Variants in TLN2 observed in about 807,000 individuals in gnomAD.
TLN2 encodes the protein talin-2.
Under a neutral mutation model 294.7 loss-of-function variants are expected in TLN2, and 118 were observed. The ratio of observed to expected loss-of-function variants is 0.40; its 90% CI spans 0.34 to 0.47. The LOEUF is 0.47. Ranked by LOEUF, TLN2 falls within the 20% of genes least tolerant of loss-of-function variation. TLN2 has a pLI of 0.84. For missense variants in TLN2, 3,083 were observed against 3,282.2 expected (o/e 0.94, Z 1.48); for synonymous variants, 1,431 against 1,304.5 (o/e 1.10, Z -2.09).
chr15:62,820,480 TTC>T lies in TLN2; in HGVS notation c.6878-4_6878-3del, dbSNP rs1476063965. 2.5e-6 allele frequency: 4 copies of T among 1,613,462 alleles called. No individual in the cohort carries two copies. The highest frequency in any genetic ancestry group is 3.4e-6 in the Non-Finnish European group (4 of 1,179,718). On this transcript the variant is annotated splice_region_variant and splice_polypyrimidine_tract_variant and intron_variant, in intron 53 of 58. Transcript: ENST00000636159. ...GAAGAATCACCTTCTTTTGGACTGA[TTC>T]TAGGAACAGAGTGGGTGGATCCAGA...
chr15:62,669,258 T>C (rs1596595139), intron 9 of TLN2, among the ~76,000 whole-genome samples: 1 of 152,232 alleles, frequency 6.6e-6, no homozygotes, highest in Non-Finnish European at 1.5e-5. Flanking sequence ...TCATGGGCTA[T>C]GTCAGTGTAT....
chr15:62,730,490 AT>A lies in TLN2; in HGVS notation c.3358+3304del, dbSNP rs550493077. ...TCTCCAGGAGCTTTCATTAGGGATC[AT>A]TTCTCTTCTACCTGAAGAACTCCCT... On this transcript the variant is annotated intron_variant, in intron 28 of 58. Transcript: ENST00000636159. Among the ~76,000 whole-genome samples the A allele has an allele frequency of 3.9e-5, 6 of 152,120 alleles. No individual in the cohort carries two copies. In the South Asian group the frequency reaches 1.2e-3, roughly 32 times the overall value.
At chr15:62,508,790 T>TTGTG (rs749563829) in intron 1 of TLN2, among the ~76,000 whole-genome samples, 1 of 152,100 alleles carries the variant, frequency 6.6e-6, no homozygotes, top group Non-Finnish European at 1.5e-5. Flanking sequence ...ATTTACGTTT[T>TTGTG]TGTGTGTGTG....
At chr15:62,414,980 C>T (rs545609995) in intron 1 of TLN2, among the ~76,000 whole-genome samples, 2 of 140,906 alleles carry the variant, frequency 1.4e-5, no homozygotes, top group African/African-American at 2.5e-5. Flanking sequence ...GGCGTGATCT[C>T]GGCTCCCTGC....
chr15:62,510,214 GT>G (rs2039857753), intron 1 of TLN2, among the ~76,000 whole-genome samples: 1 of 152,156 alleles, frequency 6.6e-6, no homozygotes, highest in Non-Finnish European at 1.5e-5. Context: ...GCCCCTTTGG[GT>G]CAGCACTGGG....
At chr15:62,573,160 C>A (rs1405032975) in intron 1 of TLN2, among the ~76,000 whole-genome samples, 1 of 152,154 alleles carries the variant, frequency 6.6e-6, no homozygotes, top group Admixed American at 6.5e-5. Flanking sequence ...AGAAATGCTA[C>A]CCCCTTGACA....
At chr15:62,706,289 A>T (rs1307235597) in intron 19 of TLN2, among the ~76,000 whole-genome samples, 1 of 152,264 alleles carries the variant, frequency 6.6e-6, no homozygotes, top group African/African-American at 2.4e-5. Context: ...GGTCAGACAG[A>T]TGGGTGACAA....
chr15:62,657,726 C>T (rs1440882415), intron 8 of TLN2, 45 bp from the exon 9 acceptor site: 2 of 1,594,604 alleles, frequency 1.3e-6, no homozygotes, highest in East Asian at 2.2e-5. Context: ...GAGAACGTGT[C>T]ACTCCCCGAA....
At chr15:62,589,105 G>A (rs1382304954) in intron 1 of TLN2, among the ~76,000 whole-genome samples, 1 of 152,048 alleles carries the variant, frequency 6.6e-6, no homozygotes, top group African/African-American at 2.4e-5. Flanking sequence ...TTCTCACACA[G>A]GCGCCTGTTC....
At chr15:62,514,002 C>T (rs939952773) in intron 1 of TLN2, among the ~76,000 whole-genome samples, 1 of 152,186 alleles carries the variant, frequency 6.6e-6, no homozygotes, top group Non-Finnish European at 1.5e-5. Context: ...AAAAGAAATT[C>T]TTGTCAAGGA....
chr15:62,824,929 G>A (rs779254296), intron 54 of TLN2, among the ~76,000 whole-genome samples: 1 of 152,214 alleles, frequency 6.6e-6, no homozygotes, highest in Non-Finnish European at 1.5e-5. Flanking sequence ...AAAGGTGTAA[G>A]CAAATGGTTT....
intron 51 of TLN2, among the ~76,000 whole-genome samples, chr15:62,806,312 C>T (rs1201993104): frequency 6.6e-6 from 1 of 152,222 alleles, no homozygotes; most frequent in South Asian, 2.1e-4. Context: ...TAATCCTCCC[C>T]CTTCTTTCTA....
chr15:62,457,982 G>A (rs2036575558), intron 1 of TLN2, among the ~76,000 whole-genome samples: 1 of 152,200 alleles, frequency 6.6e-6, no homozygotes, highest in African/African-American at 2.4e-5. Flanking sequence ...AACTGTGCCA[G>A]AAAACTGGAA....
At chr15:62,634,107 T>C (rs920651814) in intron 3 of TLN2, among the ~76,000 whole-genome samples, 2 of 152,202 alleles carry the variant, frequency 1.3e-5, no homozygotes, top group African/African-American at 4.8e-5. Context: ...CAGTCTGAGG[T>C]CCTGGGGGTT....
intron 32 of TLN2, among the ~76,000 whole-genome samples, chr15:62,741,480 G>A (rs533245566): frequency 1.3e-5 from 2 of 152,136 alleles, no homozygotes; most frequent in Non-Finnish European, 2.9e-5. Context: ...AGCCCAGGGG[G>A]TTCTCGTATC....
At chr15:62,595,757 A>G (rs909876701) in intron 2 of TLN2, among the ~76,000 whole-genome samples, 1 of 152,238 alleles carries the variant, frequency 6.6e-6, no homozygotes, top group Non-Finnish European at 1.5e-5. Context: ...TTGTAGCAAC[A>G]TGGATGAACC....
intron 45 of TLN2, among the ~76,000 whole-genome samples, chr15:62,785,258 C>T (rs2064545808): frequency 6.6e-6 from 1 of 151,970 alleles, no homozygotes; most frequent in Admixed American, 6.6e-5. Flanking sequence ...AAATAGACTC[C>T]CTGTTTTAGT....
At chr15:62,570,381 A>G (rs1036634169) in intron 1 of TLN2, among the ~76,000 whole-genome samples, 2 of 152,248 alleles carry the variant, frequency 1.3e-5, no homozygotes, top group African/African-American at 4.8e-5. Flanking sequence ...AGTCATTCAA[A>G]TATCTAGACC....
At chr15:62,556,589 A>G (rs2042619283) in intron 1 of TLN2, among the ~76,000 whole-genome samples, 1 of 152,114 alleles carries the variant, frequency 6.6e-6, no homozygotes, top group Admixed American at 6.5e-5. Context: ...GTGAGCCACC[A>G]TGTCCAGCTA....
Sources: allele counts gnomAD v4.1 joint callset (sites outside exome capture counted in the v4.1 genomes callset), GRCh38; gene constraint gnomAD v4.1.1; transcripts MANE v1.5; gene names NCBI Gene and HGNC (gene_info 2026-07-23, HGNC 2026-07-21).